Variants in ROBO2 observed in about 807,000 individuals in gnomAD.
ROBO2 encodes roundabout homolog 2.
In ROBO2, 53 loss-of-function variants were observed where a neutral mutation model predicts 160.8. The ratio of observed to expected loss-of-function variants is 0.33; its 90% CI spans 0.26 to 0.41. The LOEUF (loss-of-function observed/expected upper bound fraction) is 0.41, where lower values mean the gene tolerates loss of function less well. Ranked by LOEUF, ROBO2 falls within the 10% of genes least tolerant of loss-of-function variation. The pLI is 1.00. For missense variants in ROBO2, 1,577 were observed against 1,722.4 expected (o/e 0.92, Z 1.49); for synonymous variants, 664 against 611.7 (o/e 1.09, Z -1.26).
intron 2 of ROBO2, among the ~76,000 whole-genome samples, chr3:77,310,277 TA>T (rs1161818908): frequency 2.0e-5 from 3 of 152,082 alleles, no homozygotes; most frequent in East Asian, 3.9e-4. Context: ...TGATGGTATC[TA>T]AAAAAAAGTT....
intron 2 of ROBO2, among the ~76,000 whole-genome samples, chr3:76,831,818 C>T (rs2067121824): frequency 6.6e-6 from 1 of 152,130 alleles, no homozygotes; most frequent in African/African-American, 2.4e-5. Context: ...CACAGAGATT[C>T]TTATTGGTAC....
chr3:76,034,426 A>G (rs1170270261), intron 2 of ROBO2, among the ~76,000 whole-genome samples: 1 of 152,192 alleles, frequency 6.6e-6, no homozygotes, highest in Non-Finnish European at 1.5e-5. Context: ...CAAGTCACCT[A>G]TACTAATTTT....
At chr3:76,267,165 G>A (rs1259043549) in intron 2 of ROBO2, among the ~76,000 whole-genome samples, 4 of 152,070 alleles carry the variant, frequency 2.6e-5, no homozygotes, top group Admixed American at 1.3e-4. Context: ...CATCCTATAC[G>A]TATCTCAACA....
intron 2 of ROBO2, among the ~76,000 whole-genome samples, chr3:76,079,640 C>T (rs893200609): frequency 7.2e-5 from 11 of 151,948 alleles, no homozygotes; most frequent in African/African-American, 2.7e-4. Flanking sequence ...CATGCCGCCA[C>T]ACCCGGCTAA....
At chr3:76,193,938 A>G (rs1033081739) in intron 2 of ROBO2, among the ~76,000 whole-genome samples, 1 of 152,100 alleles carries the variant, frequency 6.6e-6, no homozygotes, top group Non-Finnish European at 1.5e-5. Context: ...TCCTCTTTTC[A>G]AATAAGGAAG....
chr3:76,420,372 C>T (rs1415324500), intron 2 of ROBO2, among the ~76,000 whole-genome samples: 1 of 152,062 alleles, frequency 6.6e-6, no homozygotes, highest in African/African-American at 2.4e-5. Flanking sequence ...TCATAAAAGG[C>T]CTAACTACAG....
At chr3:77,376,543 T>G (rs2072699018) in intron 2 of ROBO2, among the ~76,000 whole-genome samples, 1 of 152,186 alleles carries the variant, frequency 6.6e-6, no homozygotes, top group African/African-American at 2.4e-5. Context: ...AAGGTATCAT[T>G]GAAGAAGTTT....
intron 2 of ROBO2, among the ~76,000 whole-genome samples, chr3:76,563,741 T>C (rs957324021): frequency 6.6e-6 from 1 of 152,190 alleles, no homozygotes; most frequent in African/African-American, 2.4e-5. Context: ...ATTATCAATT[T>C]TTCCACATGA....
chr3:76,622,259 A>C (rs867532572), intron 2 of ROBO2, among the ~76,000 whole-genome samples: 2 of 52,198 alleles, frequency 3.8e-5, no homozygotes, highest in Non-Finnish European at 8.0e-5. Context: ...AGAAAGAAAG[A>C]AAGAAAGAAA....
intron 2 of ROBO2, among the ~76,000 whole-genome samples, chr3:76,283,363 T>C (rs1708345810): frequency 6.6e-6 from 1 of 151,474 alleles, no homozygotes; most frequent in Admixed American, 6.6e-5. Context: ...TCATATGCAA[T>C]AGGAACCACC....
At chr3:76,068,840 C>T (rs577919677) in intron 2 of ROBO2, among the ~76,000 whole-genome samples, 3 of 152,188 alleles carry the variant, frequency 2.0e-5, no homozygotes, top group East Asian at 3.9e-4. Flanking sequence ...ACTTTTAGTC[C>T]TTTTCACAGA....
intron 2 of ROBO2, among the ~76,000 whole-genome samples, chr3:76,907,068 A>G (rs1304701980): frequency 6.6e-6 from 1 of 152,122 alleles, no homozygotes; most frequent in Admixed American, 6.6e-5. Context: ...TAATTACTCT[A>G]TCCCCAAGTG....
At chr3:76,334,991 CTTTTT>C (rs1029458651) in intron 2 of ROBO2, among the ~76,000 whole-genome samples, 19 of 151,786 alleles carry the variant, frequency 1.3e-4, no homozygotes, top group African/African-American at 4.6e-4. Flanking sequence ...ACTTCAAATG[CTTTTT>C]TTCATCTATT....
intron 2 of ROBO2, among the ~76,000 whole-genome samples, chr3:76,026,629 AAAGT>A (rs1290890916): frequency 6.6e-6 from 1 of 152,010 alleles, no homozygotes; most frequent in Non-Finnish European, 1.5e-5. Context: ...TGTTGGAGAT[AAAGT>A]AATAAACAAA....
chr3:76,115,098 A>T (rs576436892), intron 2 of ROBO2, among the ~76,000 whole-genome samples: 1 of 152,092 alleles, frequency 6.6e-6, no homozygotes, highest in African/African-American at 2.4e-5. Context: ...TATGGTTAGA[A>T]CTCAACTTCG....
chr3:76,219,729 G>A (rs1264370468), intron 2 of ROBO2, among the ~76,000 whole-genome samples: 3 of 152,168 alleles, frequency 2.0e-5, no homozygotes, highest in African/African-American at 7.2e-5. Flanking sequence ...ACTGTTCGTG[G>A]GACTGTAAAC....
chr3:76,799,828 A>G (rs1451752769), intron 2 of ROBO2, among the ~76,000 whole-genome samples: 1 of 152,184 alleles, frequency 6.6e-6, no homozygotes, highest in Non-Finnish European at 1.5e-5. Flanking sequence ...AATCTTTATC[A>G]AAATACCAAA....
At chr3:77,186,432 A>T (rs550310453) in intron 2 of ROBO2, among the ~76,000 whole-genome samples, 24 of 152,136 alleles carry the variant, frequency 1.6e-4, no homozygotes, top group African/African-American at 5.3e-4. Flanking sequence ...CAGGATCAGC[A>T]AGATGAGAAG....
intron 2 of ROBO2, among the ~76,000 whole-genome samples, chr3:76,034,058 G>T (rs1056963366): frequency 1.3e-5 from 2 of 152,198 alleles, no homozygotes; most frequent in African/African-American, 2.4e-5. Context: ...TTCACCTCTT[G>T]ACAGGAGGGT....
Sources: allele counts gnomAD v4.1 joint callset (sites outside exome capture counted in the v4.1 genomes callset), GRCh38; gene constraint gnomAD v4.1.1; transcripts MANE v1.5; gene names NCBI Gene and HGNC (gene_info 2026-07-23, HGNC 2026-07-21).